SDC2: variants seen among roughly 807,000 people sequenced by gnomAD.
SDC2 encodes the protein syndecan 2.
Under a neutral mutation model 22.2 loss-of-function variants are expected in SDC2, and 13 were observed. The ratio of observed to expected loss-of-function variants is 0.59; its 90% CI spans 0.38 to 0.93. The LOEUF is 0.93. Ranked by LOEUF, SDC2 falls within the 40% of genes least tolerant of loss-of-function variation. SDC2 has a pLI of 0.00. For synonymous variants in SDC2, 94 were observed against 92.8 expected, an observed-to-expected ratio of 1.01 and a Z score of -0.07; for missense variants, 235 against 246.8, an observed-to-expected ratio of 0.95 and a Z score of 0.32.
chr8:96,503,996 G>A (rs1813203245), intron 1 of SDC2, among the ~76,000 whole-genome samples: 1 of 152,158 alleles, frequency 6.6e-6, no homozygotes, highest in Non-Finnish European at 1.5e-5. Flanking sequence ...AAAGAATAAT[G>A]ATGAGCCCAA....
intron 2 of SDC2, among the ~76,000 whole-genome samples, chr8:96,598,393 A>G (rs2437779): frequency 0.92 from 140,592 of 152,210 alleles, 65,239 homozygotes; most frequent in Non-Finnish European, 0.97. Context: ...AGGCTGAGGT[A>G]GGTGGATCAC....
intron 2 of SDC2, among the ~76,000 whole-genome samples, chr8:96,597,913 T>C (rs948130265): frequency 1.3e-5 from 2 of 152,258 alleles, no homozygotes; most frequent in Non-Finnish European, 2.9e-5. Flanking sequence ...GTTTCCAAAT[T>C]CATACATGCA....
chr8:96,572,087 C>T (rs944998124), intron 1 of SDC2, among the ~76,000 whole-genome samples: 3 of 152,096 alleles, frequency 2.0e-5, no homozygotes, highest in African/African-American at 7.2e-5. Context: ...CTGCTGCCAC[C>T]CTGTTTTTTT....
At chr8:96,510,280 A>G (rs879606406) in intron 1 of SDC2, among the ~76,000 whole-genome samples, 16 of 152,188 alleles carry the variant, frequency 1.1e-4, no homozygotes, top group Admixed American at 2.6e-4. Flanking sequence ...CCTGCACTTA[A>G]GTTCAGCAAT....
intron 1 of SDC2, among the ~76,000 whole-genome samples, chr8:96,543,966 G>C (rs930184487): frequency 6.6e-6 from 1 of 152,152 alleles, no homozygotes; most frequent in Admixed American, 6.5e-5. Context: ...ATTATCGATT[G>C]TATTCTGTAT....
At chr8:96,569,777 T>C (rs890429111) in intron 1 of SDC2, among the ~76,000 whole-genome samples, 11 of 152,206 alleles carry the variant, frequency 7.2e-5, no homozygotes, top group African/African-American at 2.7e-4. Flanking sequence ...GTTGGGTGTC[T>C]TCTCAAAGGT....
At chr8:96,607,202 G>A (rs1279070779) in intron 3 of SDC2, among the ~76,000 whole-genome samples, 1 of 144,434 alleles carries the variant, frequency 6.9e-6, no homozygotes, top group Admixed American at 7.1e-5. Context: ...ATAATGAAGA[G>A]GTGGTGGAAA....
At chr8:96,543,128 G>C (rs1323620016) in intron 1 of SDC2, among the ~76,000 whole-genome samples, 4 of 152,162 alleles carry the variant, frequency 2.6e-5, no homozygotes. Flanking sequence ...GTTAGGATTT[G>C]AAAGTCTTGA....
intron 1 of SDC2, among the ~76,000 whole-genome samples, chr8:96,555,009 C>T (rs1409819957): frequency 6.6e-6 from 1 of 152,028 alleles, no homozygotes; most frequent in East Asian, 2.0e-4. Flanking sequence ...AGCCTAATTA[C>T]CCTCCACGTC....
chr8:96,523,380 A>G (rs928259371), intron 1 of SDC2, among the ~76,000 whole-genome samples: 2 of 152,236 alleles, frequency 1.3e-5, no homozygotes, highest in Non-Finnish European at 2.9e-5. Context: ...TGAATATCGC[A>G]TATTTGAATG....
chr8:96,611,248 C>T lies in SDC2; in HGVS notation c.*1700C>T, dbSNP rs1815170641. 6.6e-6 allele frequency: 1 copy of T among 152,252 alleles called. No homozygotes were observed. 9.4% of individuals were successfully genotyped at this position (152,252 alleles called of 1,614,324 possible). A position where few individuals can be genotyped will look rare whatever the true frequency, so the allele number is the denominator to read the frequency against. The stretch of plus-strand genomic sequence containing the variant: ...ATGAGGGTACTGTGGCTGGTACTTT[C>T]TGTACTAAACATTTCCTTTTTCTAT... On this transcript the variant is annotated 3_prime_UTR_variant, in exon 5 of 5. Transcript: ENST00000302190.
chr8:96,516,391 T>G (rs1813401723), intron 1 of SDC2, among the ~76,000 whole-genome samples: 2 of 152,224 alleles, frequency 1.3e-5, no homozygotes, highest in South Asian at 4.1e-4. Flanking sequence ...TACTTAGAGT[T>G]GTACATATAG....
chr8:96,574,358 C>T (rs960296178), intron 1 of SDC2, among the ~76,000 whole-genome samples: 5 of 152,294 alleles, frequency 3.3e-5, no homozygotes, highest in Admixed American at 2.6e-4. Context: ...AAAACATCTG[C>T]TTTATCAGCA....
At chr8:96,574,237 A>G (rs1366633626) in intron 1 of SDC2, among the ~76,000 whole-genome samples, 1 of 152,234 alleles carries the variant, frequency 6.6e-6, no homozygotes, top group East Asian at 1.9e-4. Flanking sequence ...AAGGCTGGAC[A>G]CAGACTAGAT....
chr8:96,566,762 C>T (rs1365151925), intron 1 of SDC2, among the ~76,000 whole-genome samples: 1 of 150,090 alleles, frequency 6.7e-6, no homozygotes, highest in African/African-American at 2.5e-5. Context: ...AAGCATGTGC[C>T]CTGTTTTCAT....
intron 1 of SDC2, among the ~76,000 whole-genome samples, chr8:96,550,849 A>G (rs1173655020): frequency 6.6e-6 from 1 of 152,104 alleles, no homozygotes; most frequent in Non-Finnish European, 1.5e-5. Context: ...GGTCTCACGC[A>G]TGGGGTGACA....
rs1216441111 is a variant in SDC2 at position 96,494,033 on chromosome 8, G to T, written c.-239G>T. 7.3e-6 allele frequency: 4 copies of T among 547,720 alleles called. No homozygotes were observed. Among genetic ancestry groups the T allele is most frequent in the Non-Finnish European group, 1.3e-5 (4 of 314,244 alleles). 33.9% of individuals were successfully genotyped at this position (547,720 alleles called of 1,614,324 possible). A position where few individuals can be genotyped will look rare whatever the true frequency, so the allele number is the denominator to read the frequency against. ...GCACCAACTCCGTGTCGGGAGTGCAGAAACCAACAAGTGAGAGGGCGCCGC... is the reference window on the plus strand; with the variant it reads ...GCACCAACTCCGTGTCGGGAGTGCATAAACCAACAAGTGAGAGGGCGCCGC... On this transcript the variant is annotated 5_prime_UTR_variant, in exon 1 of 5. Coordinates refer to ENST00000302190, the MANE Select transcript of SDC2 (RefSeq NM_002998.4).
chr8:96,585,623 CT>C (rs1295684916), intron 1 of SDC2, among the ~76,000 whole-genome samples: 1 of 152,112 alleles, frequency 6.6e-6, no homozygotes, highest in Admixed American at 6.6e-5. Flanking sequence ...CATATGAGAT[CT>C]TTCTGGATCA....
At chr8:96,583,390 ATATG>A (rs1180021197) in intron 1 of SDC2, among the ~76,000 whole-genome samples, 59 of 30,698 alleles carry the variant, frequency 1.9e-3, no homozygotes, top group South Asian at 3.5e-3. Flanking sequence ...TATATATGAC[ATATG>A]TGTGTGTGTG....
Sources: allele counts gnomAD v4.1 joint callset (sites outside exome capture counted in the v4.1 genomes callset), GRCh38; gene constraint gnomAD v4.1.1; transcripts MANE v1.5; gene names NCBI Gene and HGNC (gene_info 2026-07-23, HGNC 2026-07-21).